WDR86: variants seen among roughly 807,000 people sequenced by gnomAD.
The protein encoded by WDR86 is WD repeat domain 86, also known as WD repeat-containing protein 86.
In WDR86, 30 loss-of-function variants were observed where a neutral mutation model predicts 36.5. The ratio of observed to expected loss-of-function variants is 0.82; its 90% confidence interval spans 0.61 to 1.11. The LOEUF is 1.11. WDR86 is among the 50% of genes most tolerant of loss of function. The pLI, the probability that WDR86 is intolerant of heterozygous loss-of-function variation, is 0.00. For missense variants in WDR86, 545 were observed against 561.2 expected (o/e 0.97, Z 0.29); for synonymous variants, 255 against 252.9 (o/e 1.01, Z -0.08).
At position 151,409,590 on chromosome 7, in the gene WDR86, C is replaced by T. The variant is rs1801047629; in HGVS notation, c.-1G>A. 3.6e-6 allele frequency: 5 copies of T among 1,382,558 alleles called. No homozygotes were observed. Among genetic ancestry groups the T allele is most frequent in the Non-Finnish European group, 3.7e-6 (4 of 1,071,680 alleles). The allele number at this position is 1,382,558 out of a possible 1,614,324, so 85.6% of individuals were successfully genotyped here. A position where few individuals can be genotyped will look rare whatever the true frequency, so the allele number is the denominator to read the frequency against. ...TCAGGGCCGACCCGCCGCCCCCCATCCCGCTGGCAGGGCGGGGAACAAGAA... is the reference window on the plus strand; with the variant it reads ...TCAGGGCCGACCCGCCGCCCCCCATTCCGCTGGCAGGGCGGGGAACAAGAA... On this transcript the variant is annotated 5_prime_UTR_variant, in exon 1 of 6. Transcript: ENST00000334493. The surrounding 1 kb of genome is among the most constrained non-coding windows in gnomAD (Gnocchi z 5.2).
At chr7:151,371,077 T>C (rs1042937796), downstream of WDR86, among the ~76,000 whole-genome samples, 29 of 152,228 alleles carry the variant, frequency 1.9e-4, no homozygotes, top group Non-Finnish European at 3.2e-4. Flanking sequence ...TTTCTGAAGT[T>C]AAAAGCCCTT....
At chr7:151,403,181 G>A (rs902916729) in intron 1 of WDR86, among the ~76,000 whole-genome samples, 1 of 131,484 alleles carries the variant, frequency 7.6e-6, no homozygotes, top group Non-Finnish European at 1.6e-5. Context: ...TTGGAGCCTT[G>A]TGGAATTTTT....
intron 1 of WDR86, among the ~76,000 whole-genome samples, chr7:151,403,960 G>A (rs115377045): frequency 1.6e-3 from 249 of 152,250 alleles, no homozygotes; most frequent in African/African-American, 5.6e-3. Flanking sequence ...TGCTCCCGAC[G>A]CATCTCAGCC....
rs55941776 is a variant in WDR86, at chr7:151,406,191, C to T, written c.163+3236G>A. Among the ~76,000 whole-genome samples the T allele has an allele frequency of 0.14, 22,013 of 152,212 alleles. 1,864 individuals carry two copies. Among genetic ancestry groups the T allele is most frequent in the Non-Finnish European group, 0.2 (13,463 of 68,000 alleles). Reference sequence around the variant, plus strand: ...CACCCACAGGGAGGGGCTCCCCACACGCCGGTTCTGCAGCCCACTCTCCCT... The same window carrying T: ...CACCCACAGGGAGGGGCTCCCCACATGCCGGTTCTGCAGCCCACTCTCCCT... On this transcript the variant is annotated intron_variant, in intron 1 of 5. Transcript: ENST00000334493. This position sits in a 1 kb window ranked among gnomAD's most constrained non-coding sequence, Gnocchi z 4.4.
chr7:151,385,248 G>A lies in WDR86; in HGVS notation c.727-25C>T, dbSNP rs561651701. 170 of 1,607,064 alleles carry A rather than the reference G, an allele frequency of 1.1e-4. 3 individuals are homozygous for A. In the South Asian group the frequency reaches 1.4e-3, roughly 13 times the overall value. On this transcript the variant is annotated intron_variant, in intron 3 of 5. Transcript: ENST00000334493. The stretch of plus-strand genomic sequence containing the variant: ...GCTGCGAGGAGGAGCAGGGAAGGTC[G>A]GCAGCTGGGGCAGCTCTGAAGCCCC...
chr7:151,395,334 A>G (rs1799732747), intron 3 of WDR86, among the ~76,000 whole-genome samples: 1 of 152,192 alleles, frequency 6.6e-6, no homozygotes, highest in Non-Finnish European at 1.5e-5. Context: ...GGGCTGCATC[A>G]TGCCCACCCC....
downstream of WDR86, among the ~76,000 whole-genome samples, chr7:151,371,898 G>A (rs1797975983): frequency 6.6e-6 from 1 of 152,066 alleles, no homozygotes; most frequent in African/African-American, 2.4e-5. Context: ...GTAGAAATGG[G>A]GTCTCACCAT....
chr7:151,381,399 C>A lies in WDR86; in HGVS notation c.*183G>T. On this transcript the variant is annotated 3_prime_UTR_variant, in exon 6 of 6. Coordinates refer to ENST00000334493, the MANE Select transcript of WDR86 (RefSeq NM_198285.3). The surrounding 1 kb of genome is among the most constrained non-coding windows in gnomAD (Gnocchi z 4.8). ...GGGCGGTCCCCAGGGCGAGCACTCC[C>A]GCTCCCAGCGCCTCCTGGCCACCAA... 6.8e-7 allele frequency: 1 copy of A among 1,476,330 alleles called. No individual in the cohort carries two copies. The highest frequency in any genetic ancestry group is 1.3e-5 in the South Asian group (1 of 77,778). The allele number at this position is 1,476,330 out of a possible 1,614,324, so 91.5% of individuals were successfully genotyped here. A position where few individuals can be genotyped will look rare whatever the true frequency, so the allele number is the denominator to read the frequency against.
chr7:151,385,008 A>G, intron 4 of WDR86, 80 bp downstream of exon 4: 1 of 1,453,162 alleles, frequency 6.9e-7, no homozygotes, highest in Admixed American at 2.1e-5. Flanking sequence ...TCAATGAGGG[A>G]AAATCCCATA....
At chr7:151,374,775 T>G (rs561364240), downstream of WDR86, among the ~76,000 whole-genome samples, 12 of 152,252 alleles carry the variant, frequency 7.9e-5, no homozygotes, top group African/African-American at 2.9e-4. Context: ...GCATATCGAA[T>G]CCTCAGTAGG....
downstream of WDR86, among the ~76,000 whole-genome samples, chr7:151,373,537 G>A (rs982044796): frequency 1.1e-4 from 16 of 152,302 alleles, no homozygotes; most frequent in African/African-American, 3.8e-4. Flanking sequence ...GCACTCTGTG[G>A]GTTCCGAATG....
At chr7:151,383,706 C>T (rs981805792) in intron 4 of WDR86, among the ~76,000 whole-genome samples, 2 of 152,178 alleles carry the variant, frequency 1.3e-5, no homozygotes, top group Admixed American at 1.3e-4. Context: ...TTTCTGCCTT[C>T]CCCCCACAAA....
At chr7:151,410,676 G>C (rs894171418), upstream of WDR86, 14 of 152,374 alleles carry the variant, frequency 9.2e-5, no homozygotes, top group African/African-American at 3.4e-4. Flanking sequence ...AGCGCCCGGC[G>C]GCTGGTTTCC....
In WDR86 at chr7:151,395,828, C is replaced by T. The variant is rs1300801678; in HGVS notation, c.674G>A (p.Gly225Glu). 3.8e-6 allele frequency: 6 copies of T among 1,580,244 alleles called. No individual in the cohort carries two copies. Among genetic ancestry groups the T allele is most frequent in the Non-Finnish European group, 4.3e-6 (5 of 1,165,130 alleles). ...CTCCCGGAACACCCGCAGCTGCTCC[C>T]CACTCAGGATGTCCCAGGCACGGAT... ...ATIRAWDILS[G>E]EQLRVFREHR... The change falls in exon 3 of 6, where the codon GGG (glycine) becomes GAG (glutamate). Residue 225 changes from glycine to glutamate, a missense_variant. Transcript: ENST00000334493.
chr7:151,382,041 TG>T (rs778857538), intron 4 of WDR86, 60 bp from the exon 5 acceptor site: 49 of 1,482,390 alleles, frequency 3.3e-5, no homozygotes, highest in Non-Finnish European at 4.3e-5. Flanking sequence ...CAAGCAGGGA[TG>T]GGGCGGCGAG....
rs762528438 is a variant in WDR86, at chr7:151,401,980, G to A, written c.164-1739C>T. On this transcript the variant is annotated intron_variant, in intron 1 of 5. Coordinates refer to ENST00000334493, the MANE Select transcript of WDR86 (RefSeq NM_198285.3). The surrounding 1 kb of genome is among the most constrained non-coding windows in gnomAD (Gnocchi z 4.3). ...AGAGAACTGCTTGAACCCGGAAGGC[G>A]GAGGCTGCAGTGAGCTGAGGTTGCA... 5.7e-4 allele frequency among the ~76,000 whole-genome samples: 83 copies of A among 145,564 alleles called. 1 individual carries two copies. Among genetic ancestry groups the A allele is most frequent in the African/African-American group, 1.9e-3 (75 of 38,784 alleles).
At chr7:151,380,325 T>A (rs532526095), downstream of WDR86, among the ~76,000 whole-genome samples, 1 of 152,294 alleles carries the variant, frequency 6.6e-6, no homozygotes, top group African/African-American at 2.4e-5. Flanking sequence ...TAGCAGGTGA[T>A]CCCTGGCGGC....
In WDR86 at chr7:151,395,964, C is replaced by A. The variant is rs1218817014; in HGVS notation, c.538G>T (p.Val180Leu). ...GTCTGGTGGCAGCAGCCGCTGGCCACCTGCCACACCTTGGCTGTGCCATCT... is the reference window on the plus strand; with the variant it reads ...GTCTGGTGGCAGCAGCCGCTGGCCAACTGCCACACCTTGGCTGTGCCATCT... ...STDGTAKVWQVASGCCHQTLR... is the reference protein window; with the variant it reads ...STDGTAKVWQLASGCCHQTLR... The change falls in exon 3 of 6, where the codon GTG (valine) becomes TTG (leucine). Residue 180 changes from valine (V) to leucine (L), a missense_variant. Coordinates refer to ENST00000334493, the MANE Select transcript of WDR86 (RefSeq NM_198285.3). 6.3e-7 allele frequency: 1 copy of A among 1,594,826 alleles called. No individual in the cohort carries two copies. Among genetic ancestry groups the A allele is most frequent in the African/African-American group, 1.3e-5 (1 of 74,726 alleles).
rs1799331688 is a variant in WDR86, at chr7:151,390,341, TC to T, written c.727-5119del. Among the ~76,000 whole-genome samples, 1 of 151,906 alleles carries T rather than the reference TC, an allele frequency of 6.6e-6. No individual in the cohort carries two copies. The highest frequency in any genetic ancestry group is 2.4e-5 in the African/African-American group (1 of 41,330). On this transcript the variant is annotated intron_variant, in intron 3 of 5. Transcript: ENST00000334493. The surrounding 1 kb of genome is among the most constrained non-coding windows in gnomAD (Gnocchi z 4.5). ...CCACGCCAGGGGCAGCCATCGTGTGTCCCCACTTGGCAGATTGTGAAAAAGG... is the reference window on the plus strand; with the variant it reads ...CCACGCCAGGGGCAGCCATCGTGTGTCCCACTTGGCAGATTGTGAAAAAGG...
Sources: gnomAD v4.1 joint callset for allele counts (sites outside exome capture counted in the v4.1 genomes callset) on GRCh38, gnomAD v4.1.1 for gene constraint, Gnocchi (gnomAD v3.1) non-coding constraint, MANE v1.5 for transcripts, NCBI Gene and HGNC (gene_info 2026-07-23, HGNC 2026-07-21) for gene names.